Variants in CDYL2 observed in about 807,000 individuals in gnomAD.
CDYL2 encodes the protein chromodomain Y-like protein 2.
CDYL2 carries 23 observed loss-of-function variants against 49.4 expected under a neutral mutation model. The observed-to-expected ratio is 0.47, with a 90% CI of 0.34 to 0.66. The LOEUF is 0.66. Ranked by LOEUF, CDYL2 falls within the 30% of genes least tolerant of loss-of-function variation. CDYL2 has a pLI of 0.01. For synonymous variants in CDYL2, 360 were observed against 268.8 expected (o/e 1.34, Z -3.32); for missense variants, 678 against 656.4 (o/e 1.03, Z -0.36).
intron 1 of CDYL2, among the ~76,000 whole-genome samples, chr16:80,711,760 C>G (rs1366642582): frequency 6.6e-6 from 1 of 152,108 alleles, no homozygotes; most frequent in African/African-American, 2.4e-5. Flanking sequence ...CTCAGTAAAT[C>G]TGAAGCATAG....
At chr16:80,749,967 C>A (rs1159549028) in intron 1 of CDYL2, among the ~76,000 whole-genome samples, 1 of 151,912 alleles carries the variant, frequency 6.6e-6, no homozygotes, top group Non-Finnish European at 1.5e-5. Context: ...CCATCATTCT[C>A]AGCAAACTAT....
intron 1 of CDYL2, among the ~76,000 whole-genome samples, chr16:80,760,417 T>G (rs1463661287): frequency 1.3e-5 from 2 of 152,312 alleles, no homozygotes; most frequent in East Asian, 3.9e-4. Context: ...ACCTACTATT[T>G]GAAAGCACAA....
intron 1 of CDYL2, among the ~76,000 whole-genome samples, chr16:80,802,583 G>C (rs566433008): frequency 6.6e-6 from 1 of 152,156 alleles, no homozygotes; most frequent in East Asian, 1.9e-4. Flanking sequence ...AGATGAGGAC[G>C]GCCACAGGGT....
intron 1 of CDYL2, among the ~76,000 whole-genome samples, chr16:80,694,715 C>T (rs949282700): frequency 6.6e-6 from 1 of 152,172 alleles, no homozygotes; most frequent in African/African-American, 2.4e-5. Flanking sequence ...TCAATGAGCA[C>T]ATCCAGCAAC....
At chr16:80,689,502 C>T (rs1412160094) in intron 1 of CDYL2, among the ~76,000 whole-genome samples, 2 of 152,194 alleles carry the variant, frequency 1.3e-5, no homozygotes, top group African/African-American at 4.8e-5. Flanking sequence ...ATCACACAGT[C>T]AGTAGCTGGT....
At position 80,748,466 on chromosome 16, in the gene CDYL2, G is replaced by A. The variant is rs566771059; in HGVS notation, c.24+55684C>T. Among the ~76,000 whole-genome samples the A allele has an allele frequency of 9.5e-4, 117 of 123,382 alleles. 1 individual carries two copies. The highest frequency in any genetic ancestry group is 1.6e-3 in the Admixed American group (17 of 10,306). The allele number at this position is 123,382 out of a possible 152,430, so 80.9% of individuals were successfully genotyped here. ...GGCGTGAACCTGGGAGGCGGATCGCGCCACTGCCCTCCAGCCTGGGCGACA... is the reference window on the plus strand; with the variant it reads ...GGCGTGAACCTGGGAGGCGGATCGCACCACTGCCCTCCAGCCTGGGCGACA... On this transcript the variant is annotated intron_variant, in intron 1 of 6. Transcript: ENST00000570137.
At chr16:80,672,111 T>C (rs1358684981) in intron 2 of CDYL2, among the ~76,000 whole-genome samples, 2 of 152,206 alleles carry the variant, frequency 1.3e-5, no homozygotes, top group Non-Finnish European at 2.9e-5. Context: ...CCTTTAAGCA[T>C]CATTTTGATG....
chr16:80,758,129 T>G (rs1906376989), intron 1 of CDYL2, among the ~76,000 whole-genome samples: 1 of 152,184 alleles, frequency 6.6e-6, no homozygotes, highest in Non-Finnish European at 1.5e-5. Flanking sequence ...TGATCTTAAT[T>G]GTTGGTAAAT....
At chr16:80,754,854 C>T (rs905939136) in intron 1 of CDYL2, among the ~76,000 whole-genome samples, 2 of 152,108 alleles carry the variant, frequency 1.3e-5, no homozygotes, top group African/African-American at 4.8e-5. Flanking sequence ...CCAGGGGAGC[C>T]TCCTGTATCA....
At chr16:80,637,556 A>G (rs1439535955) in intron 2 of CDYL2, among the ~76,000 whole-genome samples, 2 of 152,232 alleles carry the variant, frequency 1.3e-5, no homozygotes, top group Non-Finnish European at 2.9e-5. Flanking sequence ...TTACTCCTGA[A>G]CTAATAAGCA....
chr16:80,709,799 T>C (rs534462370), intron 1 of CDYL2, among the ~76,000 whole-genome samples: 6 of 152,338 alleles, frequency 3.9e-5, no homozygotes, highest in Admixed American at 1.3e-4. Context: ...CTTAACCATC[T>C]TGCATGTGCA....
At chr16:80,655,663 G>A (rs567311749) in intron 2 of CDYL2, among the ~76,000 whole-genome samples, 2 of 152,288 alleles carry the variant, frequency 1.3e-5, no homozygotes, top group Admixed American at 6.5e-5. Context: ...CCAGGACACT[G>A]GGCTCGCCTC....
At chr16:80,759,799 C>G (rs1002843728) in intron 1 of CDYL2, among the ~76,000 whole-genome samples, 2 of 152,196 alleles carry the variant, frequency 1.3e-5, no homozygotes, top group Non-Finnish European at 2.9e-5. Context: ...CCTAAACACA[C>G]TTGTAAAAGA....
intron 5 of CDYL2, among the ~76,000 whole-genome samples, chr16:80,610,691 C>G (rs1416045264): frequency 1.3e-5 from 2 of 152,196 alleles, no homozygotes; most frequent in African/African-American, 4.8e-5. Flanking sequence ...CCACAATCTT[C>G]TCTGCTGTCC....
chr16:80,665,018 A>G (rs887475328), intron 2 of CDYL2, among the ~76,000 whole-genome samples: 3 of 152,164 alleles, frequency 2.0e-5, no homozygotes, highest in African/African-American at 7.2e-5. Context: ...CTTACTCATC[A>G]TACCCCCAGA....
chr16:80,699,624 C>T (rs1455343926), intron 1 of CDYL2, among the ~76,000 whole-genome samples: 1 of 152,102 alleles, frequency 6.6e-6, no homozygotes, highest in Admixed American at 6.5e-5. Context: ...ATATAGTTAA[C>T]AAAATTTTAT....
chr16:80,631,369 C>T (rs1275978422), intron 3 of CDYL2, among the ~76,000 whole-genome samples: 2 of 152,204 alleles, frequency 1.3e-5, no homozygotes, highest in Middle Eastern at 3.2e-3. Context: ...AAGGCTGCTT[C>T]GTGGAGCATC....
intron 2 of CDYL2, among the ~76,000 whole-genome samples, chr16:80,636,597 C>G (rs1006270455): frequency 6.6e-6 from 1 of 152,156 alleles, no homozygotes; most frequent in East Asian, 1.9e-4. Flanking sequence ...AGCTTTTACA[C>G]TTTTGGTGGG....
intron 1 of CDYL2, among the ~76,000 whole-genome samples, chr16:80,782,899 A>G (rs936328385): frequency 6.6e-6 from 1 of 152,180 alleles, no homozygotes; most frequent in African/African-American, 2.4e-5. Flanking sequence ...CACCATATTC[A>G]GGTAAAAGAC....
Sources: gnomAD v4.1 joint callset for allele counts (sites outside exome capture counted in the v4.1 genomes callset) on GRCh38, gnomAD v4.1.1 for gene constraint, MANE v1.5 for transcripts, NCBI Gene and HGNC (gene_info 2026-07-23, HGNC 2026-07-21) for gene names.